SMARCA4: variants seen among roughly 807,000 people sequenced by gnomAD.
SMARCA4 encodes SWI/SNF-related matrix-associated actin-dependent regulator of chromatin subfamily A member 4.
In SMARCA4, 31 loss-of-function variants were observed where a neutral mutation model predicts 193.9. That is an observed-to-expected ratio of 0.16 (90% CI 0.12 to 0.22). SMARCA4 has a LOEUF of 0.22. SMARCA4 is among the 10% of genes least tolerant of loss of function. The probability of loss-of-function intolerance (pLI) is 1.00; values close to 1 mark genes in which losing one functional copy is unlikely to be tolerated. For synonymous variants in SMARCA4, 942 were observed against 933.1 expected, an observed-to-expected ratio of 1.01 and a Z score of -0.17; for missense variants, 1,148 against 2,296.0, an observed-to-expected ratio of 0.50 and a Z score of 10.22.
chr19:10,991,533 A>C (rs2145888519), intron 8 of SMARCA4, among the ~76,000 whole-genome samples: 1 of 152,370 alleles, frequency 6.6e-6, no homozygotes, highest in South Asian at 2.1e-4. Context: ...CACGCGTAGC[A>C]CGTCTGGAAG....
chr19:11,010,549 G>A lies in SMARCA4; in HGVS notation c.2274+18G>A, dbSNP rs761297519. 1.2e-6 allele frequency: 2 copies of A among 1,611,626 alleles called. No individual in the cohort carries two copies. The highest frequency in any genetic ancestry group is 2.2e-5 in the East Asian group (1 of 44,874). On this transcript the variant is annotated intron_variant, in intron 15 of 34. Transcript: ENST00000344626. ...AGTACCAGGTGAGGTAGGGGGTGGG[G>A]AGGCCACCGCCACGTAGCTGCCTCG...
intron 1 of SMARCA4, among the ~76,000 whole-genome samples, chr19:10,965,981 T>TTCTTTTTTTC (rs2084185899): frequency 2.1e-5 from 3 of 139,642 alleles, no homozygotes; most frequent in Admixed American, 2.1e-4. Flanking sequence ...TTTTTTTTTT[T>TTCTTTTTTTC]TTTTTTTTTT....
At chr19:10,990,296 G>C (rs2086443751) in intron 7 of SMARCA4, among the ~76,000 whole-genome samples, 1 of 152,090 alleles carries the variant, frequency 6.6e-6, no homozygotes, top group South Asian at 2.1e-4. Flanking sequence ...GGGATTACAG[G>C]TGTGCACCAC....
chr19:11,061,757 C>T (rs1189495016), intron 34 of SMARCA4, 27 bp from the exon 35 acceptor site: 3 of 1,612,280 alleles, frequency 1.9e-6, no homozygotes, highest in East Asian at 2.2e-5. Context: ...GGCCAACGCA[C>T]ACTCTCTCCT....
intron 24 of SMARCA4, among the ~76,000 whole-genome samples, chr19:11,029,962 C>T (rs555241812): frequency 9.2e-5 from 14 of 152,188 alleles, no homozygotes; most frequent in South Asian, 2.1e-4. Flanking sequence ...AGGCATGAGT[C>T]ACCGCGCCCG....
chr19:10,961,934 G>A (rs11879293), intron 1 of SMARCA4, among the ~76,000 whole-genome samples: 55,490 of 150,490 alleles, frequency 0.37, 10,295 homozygotes, highest in South Asian at 0.47. Context: ...GACCTTTTGG[G>A]CGAGTGTTTT....
At position 11,062,093 on chromosome 19, in the gene SMARCA4, G is replaced by A. The variant is rs1004370607; in HGVS notation, c.*277G>A. The A allele has an allele frequency of 1.1e-5, 6 of 533,322 alleles. No individual in the cohort carries two copies. Among genetic ancestry groups the A allele is most frequent in the Admixed American group, 6.2e-5 (2 of 32,004 alleles). The allele number at this position is 533,322 out of a possible 1,614,324, so 33.0% of individuals were successfully genotyped here. The stretch of plus-strand genomic sequence containing the variant: ...CACACGATACCTGTTTTTCTTTTCC[G>A]TTGCTGGCAGTACTGTTGCGCCGCA... On this transcript the variant is annotated 3_prime_UTR_variant, in exon 35 of 35. Transcript: ENST00000344626.
At chr19:10,974,301 A>G (rs1199584890) in intron 1 of SMARCA4, among the ~76,000 whole-genome samples, 1 of 152,112 alleles carries the variant, frequency 6.6e-6, no homozygotes, top group Non-Finnish European at 1.5e-5. Flanking sequence ...GAACGTCAAC[A>G]GATGTTTCTA....
intron 1 of SMARCA4, among the ~76,000 whole-genome samples, chr19:10,962,935 AC>A (rs1255433598): frequency 7.3e-5 from 11 of 151,698 alleles, no homozygotes; most frequent in Admixed American, 7.2e-4. Context: ...TGTAGCTGTC[AC>A]CCCCAGCACC....
intron 32 of SMARCA4, chr19:11,059,312 T>C: frequency 3.3e-6 from 1 of 305,006 alleles, no homozygotes; most frequent in Non-Finnish European, 6.3e-6. Context: ...TTTCCTGTGA[T>C]AGAATTGACA....
chr19:11,012,738 T>A, intron 15 of SMARCA4: 1 of 619,890 alleles, frequency 1.6e-6, no homozygotes, highest in Non-Finnish European at 3.0e-6. Context: ...ACAGTCATCC[T>A]GCAGCTTCAC....
chr19:10,995,398 T>C (rs1202962418), intron 9 of SMARCA4: 1 of 465,520 alleles, frequency 2.1e-6, no homozygotes, highest in Non-Finnish European at 4.3e-6. Context: ...CAGGTGCTGC[T>C]CTGTGTACGG....
intron 8 of SMARCA4, among the ~76,000 whole-genome samples, chr19:10,991,942 TC>T (rs906040249): frequency 2.0e-5 from 3 of 152,142 alleles, no homozygotes; most frequent in Non-Finnish European, 2.9e-5. Flanking sequence ...ACTCAGGGTT[TC>T]CCAAGATGAA....
chr19:10,995,052 T>A (rs1223913647), intron 9 of SMARCA4, 51 bp downstream of exon 9: 1 of 1,527,384 alleles, frequency 6.5e-7, no homozygotes, highest in Admixed American at 1.9e-5. Context: ...TAGCTGGTAC[T>A]GCGGGCTCCA....
At position 11,019,715 on chromosome 19, in the gene SMARCA4, G is replaced by T. The variant is rs886054154; in HGVS notation, c.2616+14G>T. 23 of 1,579,156 alleles carry T rather than the reference G, an allele frequency of 1.5e-5. No homozygotes were observed. Among genetic ancestry groups the T allele is most frequent in the Non-Finnish European group, 2.0e-5 (23 of 1,149,226 alleles). ...ATCCTCGCCAAGGTAACGTGTCCCT[G>T]TGGGAAATGCCAGGCCATGGGCCGA... On this transcript the variant is annotated intron_variant, in intron 18 of 34. Transcript: ENST00000344626. This position sits in a 1 kb window ranked among gnomAD's most constrained non-coding sequence, Gnocchi z 6.1.
rs534766933 is a variant in SMARCA4 at position 11,039,477 on chromosome 19, T to G, written c.4171-1830T>G. 6.2e-7 allele frequency: 1 copy of G among 1,602,436 alleles called. No individual in the cohort carries two copies. Among genetic ancestry groups the G allele is most frequent in the East Asian group, 2.3e-5 (1 of 44,074 alleles). ...TTGTAGAAAATTACAGGAAAAGATA[T>G]CCATGACACAGCCAGCAGTGTGGCA... is the stretch of plus-strand genomic sequence containing the variant. On this transcript the variant is annotated intron_variant, in intron 29 of 34. Transcript: ENST00000344626.
rs1451323006 is a variant in SMARCA4, at chr19:11,030,932, G to C, written c.3546+39G>C. ...GGGCCCCAGGTCGAGGAGAAGGAAG[G>C]GGGTGCCTGCAAAACCTCGAGGAGA... On this transcript the variant is annotated intron_variant, in intron 25 of 34. Coordinates refer to ENST00000344626, the MANE Select transcript of SMARCA4 (RefSeq NM_003072.5). The surrounding 1 kb of genome is among the most constrained non-coding windows in gnomAD (Gnocchi z 5.5). The C allele has an allele frequency of 6.3e-6, 10 of 1,590,846 alleles. No individual in the cohort carries two copies. The Admixed American group carries it at 8.6e-5, about 14-fold the overall frequency.
Position 11,021,315 on chromosome 19 carries a change from T to C in SMARCA4, c.2617-410T>C, listed in dbSNP as rs577291908. The C allele has an allele frequency of 9.9e-4, 352 of 355,008 alleles. 5 individuals carry two copies. Among genetic ancestry groups the C allele is most frequent in the South Asian group, 7.1e-3 (333 of 47,066 alleles). The allele number at this position is 355,008 out of a possible 1,614,324, so 22.0% of individuals were successfully genotyped here. A position where few individuals can be genotyped will look rare whatever the true frequency, so the allele number is the denominator to read the frequency against. On this transcript the variant is annotated intron_variant, in intron 18 of 34. Coordinates refer to ENST00000344626, the MANE Select transcript of SMARCA4 (RefSeq NM_003072.5). ...TGAACCACAGGCTGCTCATTAGAAA[T>C]GTACCGTCACCAACCCAGTTCCCCT...
chr19:10,963,958 A>T (rs2084014789), intron 1 of SMARCA4, among the ~76,000 whole-genome samples: 1 of 152,248 alleles, frequency 6.6e-6, no homozygotes, highest in East Asian at 1.9e-4. Context: ...AAATTAATTC[A>T]TGCATAGTTA....
Sources: allele counts gnomAD v4.1 joint callset (sites outside exome capture counted in the v4.1 genomes callset), GRCh38; gene constraint gnomAD v4.1.1; non-coding constraint Gnocchi (gnomAD v3.1); transcripts MANE v1.5; gene names NCBI Gene and HGNC (gene_info 2026-07-23, HGNC 2026-07-21).